Variants in ASPRV1 observed in about 807,000 individuals in gnomAD.
The protein encoded by ASPRV1 is aspartic peptidase retroviral like 1.
ASPRV1 carries 7 observed loss-of-function variants against 11.0 expected under a neutral mutation model. The ratio of observed to expected loss-of-function variants is 0.64; its 90% CI spans 0.36 to 1.20. The LOEUF (loss-of-function observed/expected upper bound fraction) is 1.20, where lower values mean the gene tolerates loss of function less well. Among genes scored for constraint, ASPRV1 ranks in the 50% most tolerant of loss-of-function variants. ASPRV1 has a pLI of 0.02. For synonymous variants in ASPRV1, 136 were observed against 138.4 expected, an observed-to-expected ratio of 0.98 and a Z score of 0.12; for missense variants, 299 against 320.0, an observed-to-expected ratio of 0.93 and a Z score of 0.50.
At chr2:70,077,003 T>C in the ASPRV1 span, among the ~76,000 whole-genome samples, 1 of 152,214 alleles carries the variant, frequency 6.6e-6, no homozygotes, top group African/African-American at 2.4e-5. Context: ...CACAGTTTTC[T>C]TGTTCAAGGC....
chr2:69,987,278 C>T, the ASPRV1 span, among the ~76,000 whole-genome samples: 1 of 152,040 alleles, frequency 6.6e-6, no homozygotes, highest in African/African-American at 2.4e-5. Context: ...AGGCTACATC[C>T]TTCTGGGCAT....
the ASPRV1 span, among the ~76,000 whole-genome samples, chr2:69,952,773 C>T: frequency 2.0e-5 from 3 of 152,106 alleles, no homozygotes; most frequent in Non-Finnish European, 4.4e-5. Flanking sequence ...TCCCCCCCAT[C>T]CCCTATCCCC....
At chr2:69,970,915 C>T in the ASPRV1 span, 1 of 152,300 alleles carries the variant, frequency 6.6e-6, no homozygotes, top group East Asian at 1.9e-4. Flanking sequence ...GCCTGTAATC[C>T]CAACACTTTG....
At chr2:70,076,906 A>ATTAACATATATGGC in the ASPRV1 span, among the ~76,000 whole-genome samples, 3 of 152,222 alleles carry the variant, frequency 2.0e-5, no homozygotes, top group African/African-American at 7.2e-5. Context: ...GCAGTTTCTA[A>ATTAACATATATGGC]TTAACATATA....
chr2:69,944,915 A>G, the ASPRV1 span, among the ~76,000 whole-genome samples: 1 of 152,046 alleles, frequency 6.6e-6, no homozygotes, highest in Non-Finnish European at 1.5e-5. Context: ...ACCCCGTGAC[A>G]TCACTTATTT....
At chr2:69,980,998 A>T in the ASPRV1 span, among the ~76,000 whole-genome samples, 1 of 151,560 alleles carries the variant, frequency 6.6e-6, no homozygotes, top group Non-Finnish European at 1.5e-5. Context: ...CTGATCTCAA[A>T]CTCCTGACTT....
At chr2:70,024,108 A>G in the ASPRV1 span, among the ~76,000 whole-genome samples, 6 of 151,978 alleles carry the variant, frequency 3.9e-5, no homozygotes, top group Non-Finnish European at 4.4e-5. Context: ...AAAAAAGGCT[A>G]AAGTATTAAA....
the ASPRV1 span, among the ~76,000 whole-genome samples, chr2:69,985,319 T>C: frequency 6.6e-6 from 1 of 152,270 alleles, no homozygotes; most frequent in Admixed American, 6.5e-5. Context: ...CACTCCTCAT[T>C]TCCTGGCACC....
At chr2:69,972,357 G>C in the ASPRV1 span, among the ~76,000 whole-genome samples, 1 of 141,718 alleles carries the variant, frequency 7.1e-6, no homozygotes, top group Non-Finnish European at 1.5e-5. Context: ...CACCGTGCCC[G>C]GCCCTTTTTT....
the ASPRV1 span, among the ~76,000 whole-genome samples, chr2:69,990,025 G>A: frequency 6.6e-6 from 1 of 152,166 alleles, no homozygotes; most frequent in Non-Finnish European, 1.5e-5. Context: ...GGAAATCCTC[G>A]CAGGTGTGTC....
the ASPRV1 span, among the ~76,000 whole-genome samples, chr2:70,020,096 T>C: frequency 6.6e-6 from 1 of 151,898 alleles, no homozygotes; most frequent in Non-Finnish European, 1.5e-5. Context: ...AAATAACAAG[T>C]GTCGCAACGA....
the ASPRV1 span, among the ~76,000 whole-genome samples, chr2:69,944,166 A>T: frequency 2.0e-5 from 3 of 152,208 alleles, no homozygotes; most frequent in African/African-American, 4.8e-5. Context: ...TACGTTCTCT[A>T]AAGCATCAGG....
At chr2:70,009,310 T>TATTTATTTA in the ASPRV1 span, among the ~76,000 whole-genome samples, 4 of 104,864 alleles carry the variant, frequency 3.8e-5, no homozygotes, top group Non-Finnish European at 7.3e-5. Flanking sequence ...TAATTTATTG[T>TATTTATTTA]CTTATTTATT....
the ASPRV1 span, among the ~76,000 whole-genome samples, chr2:70,062,528 AG>A: frequency 6.6e-6 from 1 of 152,208 alleles, no homozygotes. Flanking sequence ...CCATAGCTCT[AG>A]GAACAAGGCT....
chr2:69,944,846 T>C, the ASPRV1 span, among the ~76,000 whole-genome samples: 1 of 152,048 alleles, frequency 6.6e-6, no homozygotes, highest in African/African-American at 2.4e-5. Context: ...CTAGTGGGAA[T>C]AAACCAGCAT....
the ASPRV1 span, among the ~76,000 whole-genome samples, chr2:69,950,577 C>T: frequency 6.6e-6 from 1 of 152,144 alleles, no homozygotes; most frequent in African/African-American, 2.4e-5. Context: ...CGCAGTGGCT[C>T]ACCCCTGTAA....
At chr2:70,052,453 G>T in the ASPRV1 span, among the ~76,000 whole-genome samples, 1 of 152,120 alleles carries the variant, frequency 6.6e-6, no homozygotes, top group African/African-American at 2.4e-5. Context: ...TTCCAACTGG[G>T]AGAGTAGACC....
chr2:70,021,671 A>G, the ASPRV1 span, among the ~76,000 whole-genome samples: 40 of 150,410 alleles, frequency 2.7e-4, no homozygotes, highest in African/African-American at 9.8e-4. Flanking sequence ...ATAGTTAACA[A>G]TACGGTATTG....
downstream of ASPRV1, among the ~76,000 whole-genome samples, chr2:69,958,993 C>A (rs1039893967): frequency 1.3e-5 from 2 of 152,088 alleles, no homozygotes; most frequent in Non-Finnish European, 2.9e-5. Flanking sequence ...CTCGGTAAAC[C>A]CCGAGGATTA....
Sources: gnomAD v4.1 joint callset for allele counts (sites outside exome capture counted in the v4.1 genomes callset) on GRCh38, gnomAD v4.1.1 for gene constraint, MANE v1.5 for transcripts, NCBI Gene and HGNC (gene_info 2026-07-23, HGNC 2026-07-21) for gene names.